Variants in CNGB1 observed in about 807,000 individuals in gnomAD.
CNGB1 encodes cyclic nucleotide-gated channel beta-1.
CNGB1 carries 126 observed loss-of-function variants against 151.7 expected under a neutral mutation model. That is an observed-to-expected ratio of 0.83 (90% confidence interval 0.72 to 0.96). The LOEUF is 0.96. Ranked by LOEUF, CNGB1 falls within the 40% of genes least tolerant of loss-of-function variation. The pLI is 0.00. For missense variants in CNGB1, 1,698 were observed against 1,627.0 expected (o/e 1.04, Z -0.75); for synonymous variants, 623 against 635.1 (o/e 0.98, Z 0.29).
intron 25 of CNGB1, among the ~76,000 whole-genome samples, chr16:57,909,204 G>T (rs780400816): frequency 3.3e-5 from 5 of 152,050 alleles, no homozygotes; most frequent in Admixed American, 3.3e-4. Context: ...TGAGGTGTAG[G>T]TTGCAATGAG....
In CNGB1 at chr16:57,967,190, T is replaced by A. The variant is rs757082296; in HGVS notation, c.97A>T (p.Met33Leu). ...GGTTCTGGTTCCACCTCCGCCTCCA[T>A]CTCTGGCTCTGGTTCCACTTCCTCT... Reference protein sequence around the residue: ...EEEEVEPEPEMEAEVEPEPNP... With the variant: ...EEEEVEPEPELEAEVEPEPNP... The change falls in exon 2 of 33, where the codon ATG becomes TTG. Residue 33 changes from methionine (M) to leucine (L), a missense_variant. Met to Leu is a conservative substitution (Grantham distance 15). Coordinates refer to ENST00000251102, the MANE Select transcript of CNGB1 (RefSeq NM_001297.5). 6.2e-7 allele frequency: 1 copy of A among 1,614,166 alleles called. No homozygotes were observed. Among genetic ancestry groups the A allele is most frequent in the Non-Finnish European group, 8.5e-7 (1 of 1,180,036 alleles).
At chr16:57,923,081 A>C in intron 18 of CNGB1, 192 bp downstream of exon 18, 1 of 480,556 alleles carries the variant, frequency 2.1e-6, no homozygotes, top group South Asian at 2.0e-5. Flanking sequence ...GGTTGAGCCC[A>C]CTGGATTTAA....
At chr16:57,886,759 A>G (rs372980821) in intron 32 of CNGB1, among the ~76,000 whole-genome samples, 1 of 152,216 alleles carries the variant, frequency 6.6e-6, no homozygotes, top group East Asian at 1.9e-4. Context: ...TCCACTTGGT[A>G]TTCTTGGCTT....
At chr16:57,930,186 G>T (rs1484360314) in intron 17 of CNGB1, among the ~76,000 whole-genome samples, 1 of 151,998 alleles carries the variant, frequency 6.6e-6, no homozygotes, top group Non-Finnish European at 1.5e-5. Flanking sequence ...CAATATAAAT[G>T]TCCATCAACA....
intron 31 of CNGB1, among the ~76,000 whole-genome samples, chr16:57,896,916 G>C (rs1321910402): frequency 6.6e-6 from 1 of 152,006 alleles, no homozygotes; most frequent in African/African-American, 2.4e-5. Context: ...AAGAAGAAAA[G>C]GTACAAAGGA....
chr16:57,904,317 C>T (rs1162004045), intron 26 of CNGB1, among the ~76,000 whole-genome samples: 1 of 152,112 alleles, frequency 6.6e-6, no homozygotes, highest in African/African-American at 2.4e-5. Context: ...TTGTCTGACT[C>T]CATGCTGGAG....
At chr16:57,920,946 C>T (rs755731982) in intron 18 of CNGB1, among the ~76,000 whole-genome samples, 2 of 152,082 alleles carry the variant, frequency 1.3e-5, no homozygotes, top group South Asian at 2.1e-4. Flanking sequence ...AGGGAGCAGG[C>T]CTACTTTTTT....
chr16:57,950,279 T>G, intron 13 of CNGB1, 102 bp downstream of exon 13: 1 of 1,389,872 alleles, frequency 7.2e-7, no homozygotes, highest in Non-Finnish European at 1.0e-6. Context: ...GAAGCAGGCT[T>G]GGTTCCTGCT....
rs749813964 is a variant in CNGB1, at chr16:57,959,992, G to A, written c.657C>T (p.Ile219=). The part of the protein sequence containing the change: ...ARETPSLPTP[I]PLQPKEEPKE... ...TGGGTTCCTCCTTGGGCTGCAGGGG[G>A]ATGGGTGTGGGCAGGGAGGGGGTCT... The change falls in exon 10 of 33, where the codon ATC becomes ATT. Residue 219 remains isoleucine (I), a synonymous_variant. Coordinates refer to ENST00000251102, the MANE Select transcript of CNGB1 (RefSeq NM_001297.5). 3.8e-6 allele frequency: 6 copies of A among 1,588,646 alleles called. No individual in the cohort carries two copies. Among genetic ancestry groups the A allele is most frequent in the East Asian group, 4.5e-5 (2 of 44,156 alleles).
intron 21 of CNGB1, among the ~76,000 whole-genome samples, chr16:57,916,453 G>A (rs1371669889): frequency 2.0e-5 from 3 of 152,180 alleles, no homozygotes; most frequent in Admixed American, 2.0e-4. Context: ...GTCTTACCTG[G>A]ACCATTTGCA....
intron 29 of CNGB1, 56 bp from the exon 30 acceptor site, chr16:57,897,970 C>A: frequency 6.3e-7 from 1 of 1,579,042 alleles, no homozygotes; most frequent in Non-Finnish European, 8.7e-7. Flanking sequence ...ACCAGAGAAG[C>A]AGCCAGGGCT....
In CNGB1 at chr16:57,901,383, A is replaced by T; in HGVS notation, c.2945T>A (p.Val982Asp). ...FDMLKRLRSV[V>D]YLPNDYVCKK... ...GCACACATAGTCGTTGGGCAGGTAG[A>T]CAACAGAGCGAAGCCTCTTCAGCAT... Residue 982 changes from valine to aspartate, a missense_variant, in exon 29 of 33, where the codon GTC (valine) becomes GAC (aspartate). Coordinates refer to ENST00000251102, the MANE Select transcript of CNGB1 (RefSeq NM_001297.5). The T allele has an allele frequency of 6.2e-7, 1 of 1,614,180 alleles. No homozygotes were observed. Among genetic ancestry groups the T allele is most frequent in the South Asian group, 1.1e-5 (1 of 91,082 alleles).
intron 17 of CNGB1, among the ~76,000 whole-genome samples, chr16:57,926,027 T>G (rs141268895): frequency 6.6e-6 from 1 of 152,276 alleles, no homozygotes; most frequent in East Asian, 1.9e-4. Flanking sequence ...CCGTGAGGTT[T>G]GATCAGAAAT....
chr16:57,884,343 G>A lies in CNGB1; in HGVS notation c.3577C>T (p.Pro1193Ser), dbSNP rs780383898. The change falls in exon 33 of 33, where the codon CCG becomes TCG. Residue 1193 changes from proline to serine, a missense_variant. Transcript: ENST00000251102. ...GGTGGAGAGCTCGGTGGAGACCCCG[G>A]GGGCTCGGGGGGCGTCCGGGGCGCG... is the stretch of plus-strand genomic sequence containing the variant. ...PPAPRTPPEP[P>S]GSPPSSPPPA... 1 of 1,561,430 alleles carries A rather than the reference G, an allele frequency of 6.4e-7. No individual in the cohort carries two copies. Among genetic ancestry groups the A allele is most frequent in the Non-Finnish European group, 8.6e-7 (1 of 1,156,828 alleles).
chr16:57,941,217 AG>A (rs1181804325), intron 14 of CNGB1, among the ~76,000 whole-genome samples: 2 of 152,212 alleles, frequency 1.3e-5, no homozygotes, highest in African/African-American at 4.8e-5. Context: ...ACTCAGGACC[AG>A]GGACTAATGT....
At chr16:57,910,420 G>A (rs1960677030) in intron 25 of CNGB1, among the ~76,000 whole-genome samples, 1 of 152,010 alleles carries the variant, frequency 6.6e-6, no homozygotes, top group Admixed American at 6.6e-5. Context: ...TATCACCCAG[G>A]CTGGAGTGTA....
intron 14 of CNGB1, among the ~76,000 whole-genome samples, chr16:57,944,539 C>CA (rs1404021714): frequency 2.0e-5 from 3 of 151,908 alleles, no homozygotes; most frequent in Non-Finnish European, 2.9e-5. Flanking sequence ...GTTCTCACCA[C>CA]AAAAAATGAT....
chr16:57,911,045 G>A (rs1235925128), intron 25 of CNGB1, among the ~76,000 whole-genome samples: 1 of 152,130 alleles, frequency 6.6e-6, no homozygotes, highest in Non-Finnish European at 1.5e-5. Context: ...CACCTCATTC[G>A]CCAGCACCTC....
rs535783201 is a variant in CNGB1, at chr16:57,907,180, A to G, written c.2493-2305T>C. Among the ~76,000 whole-genome samples the G allele has an allele frequency of 2.1e-3, 317 of 152,200 alleles. 3 individuals carry two copies. The highest frequency in any genetic ancestry group is 7.4e-3 in the African/African-American group (306 of 41,532). ...CTCCCGCAGAGGGCCCTGCAGAAGGAGGTCCCAGATAGCTGTCCCCCTGCC... is the reference window on the plus strand; with the variant it reads ...CTCCCGCAGAGGGCCCTGCAGAAGGGGGTCCCAGATAGCTGTCCCCCTGCC... On this transcript the variant is annotated intron_variant, in intron 25 of 32. Transcript: ENST00000251102.
Sources: allele counts gnomAD v4.1 joint callset (sites outside exome capture counted in the v4.1 genomes callset), GRCh38; gene constraint gnomAD v4.1.1; transcripts MANE v1.5; gene names NCBI Gene and HGNC (gene_info 2026-07-23, HGNC 2026-07-21).